The following ADAMTS6 variants were observed in gnomAD, a reference collection of about 807,000 sequenced individuals.
The protein encoded by ADAMTS6 is ADAM metallopeptidase with thrombospondin type 1 motif 6.
A neutral mutation model predicts 144.3 loss-of-function variants in ADAMTS6; 23 were observed. The observed-to-expected ratio is 0.16, with a 90% CI of 0.11 to 0.23. The LOEUF is 0.23. Among genes scored for constraint, ADAMTS6 ranks in the 10% least tolerant of loss-of-function variants. The pLI, the probability that ADAMTS6 is intolerant of heterozygous loss-of-function variation, is 1.00. For missense variants in ADAMTS6, 999 were observed against 1,379.6 expected (o/e 0.72, Z 4.37); for synonymous variants, 444 against 457.5 (o/e 0.97, Z 0.38).
chr5:65,172,426 A>C (rs1465666335), intron 23 of ADAMTS6, among the ~76,000 whole-genome samples: 2 of 151,954 alleles, frequency 1.3e-5, no homozygotes, highest in African/African-American at 4.8e-5. Flanking sequence ...AAGAAAAAAA[A>C]AAAAGAGTAA....
intron 18 of ADAMTS6, among the ~76,000 whole-genome samples, chr5:65,216,870 T>C (rs1380779889): frequency 6.6e-6 from 1 of 151,804 alleles, no homozygotes; most frequent in Non-Finnish European, 1.5e-5. Flanking sequence ...AAAACTCCTA[T>C]AAACAAACAG....
chr5:65,469,163 A>C (rs1173200351), intron 3 of ADAMTS6, among the ~76,000 whole-genome samples: 2 of 152,224 alleles, frequency 1.3e-5, no homozygotes, highest in African/African-American at 2.4e-5. Context: ...GTCAGGAAAG[A>C]AAAAATTAAT....
At chr5:65,281,712 A>C (rs1434609225) in intron 11 of ADAMTS6, among the ~76,000 whole-genome samples, 2 of 152,156 alleles carry the variant, frequency 1.3e-5, no homozygotes, top group African/African-American at 2.4e-5. Flanking sequence ...ATTAACAAAT[A>C]TAAGTGGGTA....
At chr5:65,192,571 C>T (rs926928146) in intron 21 of ADAMTS6, among the ~76,000 whole-genome samples, 1 of 151,714 alleles carries the variant, frequency 6.6e-6, no homozygotes, top group Non-Finnish European at 1.5e-5. Flanking sequence ...CAGCCTTTCT[C>T]TTTGGATTCC....
chr5:65,308,914 T>C (rs1381151223), intron 9 of ADAMTS6, among the ~76,000 whole-genome samples: 2 of 152,158 alleles, frequency 1.3e-5, no homozygotes, highest in African/African-American at 4.8e-5. Context: ...TATAAAACTA[T>C]GGTAATTAAA....
At chr5:65,404,304 C>A (rs114913322) in intron 7 of ADAMTS6, among the ~76,000 whole-genome samples, 2,921 of 152,144 alleles carry the variant, frequency 0.019, 90 homozygotes, top group African/African-American at 0.066. Context: ...CCTGCCCCTA[C>A]CCCATGACAG....
chr5:65,479,557 C>T (rs1407794405), intron 1 of ADAMTS6, among the ~76,000 whole-genome samples: 1 of 152,116 alleles, frequency 6.6e-6, no homozygotes, highest in Non-Finnish European at 1.5e-5. Context: ...AGCTATCCAC[C>T]TCTTCCCCTC....
intron 7 of ADAMTS6, among the ~76,000 whole-genome samples, chr5:65,422,881 T>C (rs1436043981): frequency 1.3e-5 from 2 of 152,172 alleles, no homozygotes; most frequent in Non-Finnish European, 2.9e-5. Flanking sequence ...ATTGCAAAGA[T>C]ATGGAACAAG....
chr5:65,169,913 C>A, intron 24 of ADAMTS6, among the ~76,000 whole-genome samples: 1 of 148,022 alleles, frequency 6.8e-6, no homozygotes, highest in African/African-American at 2.5e-5. Context: ...GGAGGGATAG[C>A]ATTGGGAGAT....
In ADAMTS6 at chr5:65,460,187, G is replaced by A. The variant is rs766393767; in HGVS notation, c.614C>T (p.Ser205Phe). Residue 205 changes from serine to phenylalanine, a missense_variant, in exon 4 of 25, where the codon TCT (serine) becomes TTT (phenylalanine). Ser to Phe is a radical substitution (Grantham distance 155, BLOSUM62 -2). Transcript: ENST00000381055. ...ALQQRHLYDHSHCGVSDFTRS... is the reference protein window; with the variant it reads ...ALQQRHLYDHFHCGVSDFTRS... ...TCACTCACCCGAAACCCCACAATGA[G>A]AGTGATCATACAGATGTCGTTGTTG... is the stretch of plus-strand genomic sequence containing the variant. 22 of 1,614,006 alleles carry A rather than the reference G, an allele frequency of 1.4e-5. No individual in the cohort carries two copies. The highest frequency in any genetic ancestry group is 1.9e-5 in the Non-Finnish European group (22 of 1,179,940).
intron 7 of ADAMTS6, among the ~76,000 whole-genome samples, chr5:65,383,400 T>C (rs937329004): frequency 6.6e-6 from 1 of 152,064 alleles, no homozygotes; most frequent in Non-Finnish European, 1.5e-5. Context: ...AGGCATAGGA[T>C]AGATGTTCCC....
rs1756755231 is a variant in ADAMTS6, at chr5:65,214,420, C to A, written c.2575+374G>T. ...GCACACAGCCGTACATTCTCATCTC[C>A]CATTACAAGAAGTTGCATCTGTGAT... On this transcript the variant is annotated intron_variant, in intron 20 of 24. Coordinates refer to ENST00000381055, the MANE Select transcript of ADAMTS6 (RefSeq NM_197941.4). The surrounding 1 kb of genome is among the most constrained non-coding windows in gnomAD (Gnocchi z 4.6). The A allele has an allele frequency of 2.8e-6, 1 of 351,604 alleles. No individual in the cohort carries two copies. The highest frequency in any genetic ancestry group is 4.0e-5 in the Admixed American group (1 of 24,776). 21.8% of individuals were successfully genotyped at this position (351,604 alleles called of 1,614,324 possible).
At chr5:65,202,644 TC>T (rs967915728) in intron 20 of ADAMTS6, among the ~76,000 whole-genome samples, 23 of 152,288 alleles carry the variant, frequency 1.5e-4, no homozygotes, top group African/African-American at 5.3e-4. Context: ...GTTTATAGTT[TC>T]CCCATTTTAT....
chr5:65,279,496 TG>T (rs760017809), intron 11 of ADAMTS6, among the ~76,000 whole-genome samples: 1 of 152,046 alleles, frequency 6.6e-6, no homozygotes, highest in Admixed American at 6.6e-5. Flanking sequence ...TTTGTATTTT[TG>T]GTAGAGACAG....
intron 7 of ADAMTS6, among the ~76,000 whole-genome samples, chr5:65,423,447 A>T (rs4321720): frequency 0.61 from 92,174 of 152,018 alleles, 29,801 homozygotes; most frequent in African/African-American, 0.84. Flanking sequence ...TAAGGTAACA[A>T]AATTTGGATA....
chr5:65,360,579 T>C (rs1218016523), intron 7 of ADAMTS6, among the ~76,000 whole-genome samples: 1 of 151,940 alleles, frequency 6.6e-6, no homozygotes, highest in East Asian at 1.9e-4. Context: ...AACAAGTCAA[T>C]GTGTTATAAT....
chr5:65,437,531 G>C (rs962999446), intron 7 of ADAMTS6, among the ~76,000 whole-genome samples: 1 of 152,142 alleles, frequency 6.6e-6, no homozygotes, highest in African/African-American at 2.4e-5. Context: ...AATTGTAGGA[G>C]TTACAATTCA....
In ADAMTS6 at chr5:65,473,930, C is replaced by A; in HGVS notation, c.-257G>T. 6.9e-6 allele frequency: 3 copies of A among 437,512 alleles called. No individual in the cohort carries two copies. The highest frequency in any genetic ancestry group is 3.9e-5 in the Admixed American group (1 of 25,898). The allele number at this position is 437,512 out of a possible 1,614,324, so 27.1% of individuals were successfully genotyped here. A position where few individuals can be genotyped will look rare whatever the true frequency, so the allele number is the denominator to read the frequency against. ...AGCAAAGCATTAGGCTGATTAGTTA[C>A]TAAAGTATGGCCATTTTTTAACCTA... On this transcript the variant is annotated 5_prime_UTR_variant, in exon 2 of 25. The change abolishes the stop of an existing upstream ORF in the 5' untranslated region. Transcript: ENST00000381055.
intron 7 of ADAMTS6, among the ~76,000 whole-genome samples, chr5:65,403,606 T>G (rs1754137908): frequency 6.6e-6 from 1 of 152,138 alleles, no homozygotes; most frequent in African/African-American, 2.4e-5. Flanking sequence ...CAATAAATTT[T>G]GAAAAATCTG....
Sources: allele counts gnomAD v4.1 joint callset (sites outside exome capture counted in the v4.1 genomes callset), GRCh38; gene constraint gnomAD v4.1.1; non-coding constraint Gnocchi (gnomAD v3.1); transcripts MANE v1.5; gene names NCBI Gene and HGNC (gene_info 2026-07-23, HGNC 2026-07-21).